EPHA8: variants seen among roughly 807,000 people sequenced by gnomAD.
The protein encoded by EPHA8 is EPH receptor A8.
Under a neutral mutation model 103.6 loss-of-function variants are expected in EPHA8, and 58 were observed. That is an observed-to-expected ratio of 0.56 (90% CI 0.45 to 0.70). EPHA8 has a LOEUF of 0.70. Among genes scored for constraint, EPHA8 ranks in the 30% least tolerant of loss-of-function variants. EPHA8 has a pLI of 0.00. For missense variants in EPHA8, 1,304 were observed against 1,395.2 expected, an observed-to-expected ratio of 0.93 and a Z score of 1.04; for synonymous variants, 559 against 572.5, an observed-to-expected ratio of 0.98 and a Z score of 0.34.
At chr1:22,566,855 G>T (rs1187079170) in intron 1 of EPHA8, among the ~76,000 whole-genome samples, 1 of 152,162 alleles carries the variant, frequency 6.6e-6, no homozygotes, top group African/African-American at 2.4e-5. Context: ...CATTCAAGGG[G>T]ACATGGATGG....
In EPHA8 at chr1:22,576,309, G is replaced by T. The variant is rs369295820; in HGVS notation, c.252G>T (p.Leu84=). The change falls in exon 3 of 17, where the codon CTG becomes CTT. Residue 84 remains leucine (L), a synonymous_variant. Transcript: ENST00000166244. The surrounding 1 kb of genome is among the most constrained non-coding windows in gnomAD (Gnocchi z 4.8). The part of the protein sequence containing the change: ...NVMSPNQNNW[L]RTSWVPRDGA... The stretch of plus-strand genomic sequence containing the variant: ...TGAGCCCCAACCAGAACAACTGGCT[G>T]CGCACGAGCTGGGTCCCCCGAGACG... The T allele has an allele frequency of 9.9e-6, 16 of 1,613,788 alleles. No homozygotes were observed. Among genetic ancestry groups the T allele is most frequent in the Non-Finnish European group, 1.3e-5 (15 of 1,180,042 alleles).
intron 4 of EPHA8, 24 bp from the exon 5 acceptor site, chr1:22,588,847 C>A: frequency 6.4e-7 from 1 of 1,554,524 alleles, no homozygotes; most frequent in South Asian, 1.2e-5. Flanking sequence ...AACCACTGCC[C>A]CATCTGTCAT....
At chr1:22,581,093 C>T (rs1641033644) in intron 3 of EPHA8, among the ~76,000 whole-genome samples, 1 of 152,198 alleles carries the variant, frequency 6.6e-6, no homozygotes, top group South Asian at 2.1e-4. Flanking sequence ...TACAACAGTC[C>T]TTTAAGATAA....
chr1:22,601,245 G>T, intron 15 of EPHA8, 55 bp from the exon 16 acceptor site: 1 of 1,552,916 alleles, frequency 6.4e-7, no homozygotes, highest in Non-Finnish European at 8.7e-7. Context: ...TGCTTCTTCT[G>T]GGGGTCCAGC....
At chr1:22,564,006 G>C (rs12048160) in intron 1 of EPHA8, among the ~76,000 whole-genome samples, 8,257 of 151,976 alleles carry the variant, frequency 0.054, 273 homozygotes, top group South Asian at 0.17. Flanking sequence ...TGCAGCTGGG[G>C]ACAGAATACT....
chr1:22,576,269 A>G lies in EPHA8; in HGVS notation c.212A>G (p.Gln71Arg). 1.2e-6 allele frequency: 2 copies of G among 1,613,774 alleles called. No homozygotes were observed. The highest frequency in any genetic ancestry group is 1.7e-6 in the Non-Finnish European group (2 of 1,179,962). ...DESFQPIHTY[Q>R]VCNVMSPNQN... Reference sequence around the variant, plus strand: ...TCCTTCCAGCCCATCCACACGTACCAGGTTTGCAACGTCATGAGCCCCAAC... The same window carrying G: ...TCCTTCCAGCCCATCCACACGTACCGGGTTTGCAACGTCATGAGCCCCAAC... The change falls in exon 3 of 17, where the codon CAG (glutamine) becomes CGG (arginine). Residue 71 changes from glutamine to arginine, a missense_variant. Physicochemically the swap from Gln to Arg is conservative, Grantham distance 43. Coordinates refer to ENST00000166244, the MANE Select transcript of EPHA8 (RefSeq NM_020526.5). This position sits in a 1 kb window ranked among gnomAD's most constrained non-coding sequence, Gnocchi z 4.8.
intron 5 of EPHA8, among the ~76,000 whole-genome samples, chr1:22,591,001 AC>A: frequency 7.1e-6 from 1 of 141,478 alleles, no homozygotes; most frequent in African/African-American, 2.7e-5. Flanking sequence ...ACTGACTTCC[AC>A]CCCCCACGAG....
At chr1:22,578,920 CGTTTATGTGTGCATGTGT>C (rs1388906083) in intron 3 of EPHA8, among the ~76,000 whole-genome samples, 108 of 131,962 alleles carry the variant, frequency 8.2e-4, no homozygotes, top group African/African-American at 3.1e-3. Context: ...TATGCATGTG[CGTTTATGTGTGCATGTGT>C]GTATGTATGC....
chr1:22,572,255 G>A lies in EPHA8; in HGVS notation c.159+2902G>A, dbSNP rs111586475. ...GCCAGGGCACTGGGTCCTGATGAAC[G>A]GGGGCTCCGCCTCCTGTAGTCAGTG... is the stretch of plus-strand genomic sequence containing the variant. On this transcript the variant is annotated intron_variant, in intron 2 of 16. Transcript: ENST00000166244. 5.2e-3 allele frequency among the ~76,000 whole-genome samples: 795 copies of A among 152,332 alleles called. 6 individuals are homozygous for A. The highest frequency in any genetic ancestry group is 0.018 in the African/African-American group (769 of 41,582).
intron 3 of EPHA8, among the ~76,000 whole-genome samples, chr1:22,580,767 G>A (rs943995016): frequency 3.3e-5 from 5 of 152,250 alleles, no homozygotes; most frequent in African/African-American, 1.2e-4. Context: ...TACAGATGGG[G>A]AAGCTGAGGT....
chr1:22,599,534 G>T (rs1001798035), intron 13 of EPHA8, among the ~76,000 whole-genome samples: 1 of 151,292 alleles, frequency 6.6e-6, no homozygotes, highest in South Asian at 2.1e-4. Context: ...TCTGGGTAAG[G>T]TTTCGCATGG....
intron 9 of EPHA8, among the ~76,000 whole-genome samples, chr1:22,596,666 TA>T (rs1195325137): frequency 2.6e-5 from 4 of 151,712 alleles, no homozygotes; most frequent in African/African-American, 9.7e-5. Flanking sequence ...TATTTTTTAT[TA>T]TTTTTTTTTT....
At chr1:22,600,154 G>A (rs1641675312) in intron 13 of EPHA8, among the ~76,000 whole-genome samples, 2 of 118,720 alleles carry the variant, frequency 1.7e-5, no homozygotes, top group African/African-American at 6.5e-5. Context: ...GGGAGGGAGG[G>A]AAGGAGGGAG....
intron 3 of EPHA8, among the ~76,000 whole-genome samples, chr1:22,577,585 G>T (rs1291907339): frequency 6.6e-6 from 1 of 152,078 alleles, no homozygotes; most frequent in Non-Finnish European, 1.5e-5. Flanking sequence ...CTGTTCAGGG[G>T]GATCTTATCA....
At chr1:22,584,369 T>G (rs1017421223) in intron 3 of EPHA8, among the ~76,000 whole-genome samples, 2 of 152,192 alleles carry the variant, frequency 1.3e-5, no homozygotes, top group African/African-American at 4.8e-5. Flanking sequence ...GGGAAAGATG[T>G]TGCAACAATG....
intron 3 of EPHA8, among the ~76,000 whole-genome samples, chr1:22,583,412 G>A (rs1007294587): frequency 6.6e-6 from 1 of 152,236 alleles, no homozygotes; most frequent in Non-Finnish European, 1.5e-5. Flanking sequence ...GAGCCACAGC[G>A]GCGCAGCCAT....
At chr1:22,582,922 G>A (rs575242305) in intron 3 of EPHA8, among the ~76,000 whole-genome samples, 65 of 152,228 alleles carry the variant, frequency 4.3e-4, no homozygotes, top group Non-Finnish European at 7.5e-4. Flanking sequence ...GTCTCATTTC[G>A]GAGGGGGAGC....
chr1:22,581,295 C>T (rs1270896144), intron 3 of EPHA8, among the ~76,000 whole-genome samples: 2 of 152,228 alleles, frequency 1.3e-5, no homozygotes, highest in African/African-American at 2.4e-5. Flanking sequence ...ACTGGTACAG[C>T]ATAAGTCATA....
At position 22,601,449 on chromosome 1, in the gene EPHA8, G is replaced by T; in HGVS notation, c.2879G>T (p.Gly960Val). ...GCTGCGGGCGGATACTCCTCTCTGG[G>T]CATGGTGCTACGCATGAACGCCCAG... ...HFAAGGYSSL[G>V]MVLRMNAQDV... The change falls in exon 16 of 17, where the codon GGC (glycine) becomes GTC (valine). Residue 960 changes from glycine to valine, a missense_variant. Transcript: ENST00000166244. 2 of 1,610,150 alleles carry T rather than the reference G, an allele frequency of 1.2e-6. No individual in the cohort carries two copies. The highest frequency in any genetic ancestry group is 1.7e-6 in the Non-Finnish European group (2 of 1,179,784).
Sources: allele counts gnomAD v4.1 joint callset (sites outside exome capture counted in the v4.1 genomes callset), GRCh38; gene constraint gnomAD v4.1.1; non-coding constraint Gnocchi (gnomAD v3.1); transcripts MANE v1.5; gene names NCBI Gene and HGNC (gene_info 2026-07-23, HGNC 2026-07-21).